The following MAGI1 variants were observed in gnomAD, a reference collection of about 807,000 sequenced individuals.
MAGI1 encodes the protein membrane-associated guanylate kinase, WW and PDZ domain-containing protein 1.
MAGI1 carries 58 observed loss-of-function variants against 139.9 expected under a neutral mutation model. The ratio of observed to expected loss-of-function variants is 0.41; its 90% CI spans 0.34 to 0.52. The LOEUF (loss-of-function observed/expected upper bound fraction) is 0.52, where lower values mean the gene tolerates loss of function less well. Among genes scored for constraint, MAGI1 ranks in the 20% least tolerant of loss-of-function variants. The probability of loss-of-function intolerance (pLI) is 0.12; values close to 1 mark genes in which losing one functional copy is unlikely to be tolerated. For synonymous variants in MAGI1, 812 were observed against 737.9 expected (o/e 1.10, Z -1.63); for missense variants, 1,874 against 1,901.6 (o/e 0.99, Z 0.27).
intron 1 of MAGI1, among the ~76,000 whole-genome samples, chr3:65,662,950 C>T (rs1245786071): frequency 6.6e-6 from 1 of 152,120 alleles, no homozygotes; most frequent in African/African-American, 2.4e-5. Context: ...TCCTGAAGTT[C>T]CACCTTCAGT....
intron 21 of MAGI1, among the ~76,000 whole-genome samples, chr3:65,362,996 A>G (rs1941038605): frequency 6.6e-6 from 1 of 152,202 alleles, no homozygotes; most frequent in African/African-American, 2.4e-5. Flanking sequence ...TAAGGCAGAG[A>G]GTAGACTTGC....
At position 65,743,293 on chromosome 3, in the gene MAGI1, A is replaced by T. The variant is rs2035427603; in HGVS notation, c.314-121205T>A. ...TTTACTATGTGCCTGATACTATAAA[A>T]TCAGGATATAGTCTAGAAGATTCCT... On this transcript the variant is annotated intron_variant, in intron 1 of 22. Transcript: ENST00000402939. Among the ~76,000 whole-genome samples, 3 of 152,246 alleles carry T rather than the reference A, an allele frequency of 2.0e-5. No homozygotes were observed. In the South Asian group the frequency reaches 6.2e-4, roughly 32 times the overall value.
At chr3:65,846,317 C>G (rs1027731688) in intron 1 of MAGI1, among the ~76,000 whole-genome samples, 1 of 152,216 alleles carries the variant, frequency 6.6e-6, no homozygotes, top group Non-Finnish European at 1.5e-5. Flanking sequence ...GTAGTGCGGT[C>G]TCAAGTGAAT....
chr3:65,592,361 T>C (rs1305414993), intron 2 of MAGI1, among the ~76,000 whole-genome samples: 1 of 152,116 alleles, frequency 6.6e-6, no homozygotes, highest in African/African-American at 2.4e-5. Flanking sequence ...TGAACTAGCA[T>C]GCAAAGGGGA....
At chr3:65,393,176 C>A (rs1944074798) in intron 13 of MAGI1, among the ~76,000 whole-genome samples, 1 of 152,148 alleles carries the variant, frequency 6.6e-6, no homozygotes, top group Non-Finnish European at 1.5e-5. Flanking sequence ...GTGAATTCAG[C>A]TCCCAGGGCC....
In MAGI1 at chr3:65,379,394, G is replaced by A. The variant is rs1470820505; in HGVS notation, c.2862C>T (p.Gly954=). Residue 954 remains glycine (G), a synonymous_variant, in exon 17 of 23, where the codon GGC becomes GGT. Transcript: ENST00000402939. ...TGACCACGCCGCTGCCCCCGCCGCC[G>A]CCACTGCCGATGCCGCTGGTGCTGC... is the stretch of plus-strand genomic sequence containing the variant. The part of the protein sequence containing the change: ...GSGSTSGIGS[G]GGGGSGVVST... 9 of 1,612,724 alleles carry A rather than the reference G, an allele frequency of 5.6e-6. No homozygotes were observed. The highest frequency in any genetic ancestry group is 1.1e-5 in the South Asian group (1 of 91,032).
chr3:65,572,175 C>T (rs1340920476), intron 2 of MAGI1, among the ~76,000 whole-genome samples: 2 of 152,082 alleles, frequency 1.3e-5, no homozygotes, highest in African/African-American at 4.8e-5. Flanking sequence ...CAGGTACCAT[C>T]CTCAATACTT....
chr3:65,590,941 G>A (rs577106221), intron 2 of MAGI1, among the ~76,000 whole-genome samples: 3 of 152,292 alleles, frequency 2.0e-5, no homozygotes, highest in South Asian at 2.1e-4. Flanking sequence ...AATTCTTTTA[G>A]TGGAACAATT....
Position 65,998,970 on chromosome 3 carries a change from T to A in MAGI1, c.313+39026A>T, listed in dbSNP as rs973278317. Among the ~76,000 whole-genome samples the A allele has an allele frequency of 2.6e-5, 4 of 152,026 alleles. No homozygotes were observed. The South Asian group carries it at 8.3e-4, about 31-fold the overall frequency. On this transcript the variant is annotated intron_variant, in intron 1 of 22. Coordinates refer to ENST00000402939, the MANE Select transcript of MAGI1 (RefSeq NM_001033057.2). The stretch of plus-strand genomic sequence containing the variant: ...TTTCTTAACAGAGAATAGAATCACA[T>A]CTAAATGGGGATAAAATCGCATTAC...
chr3:65,827,987 T>G (rs1179441081), intron 1 of MAGI1, among the ~76,000 whole-genome samples: 2 of 152,210 alleles, frequency 1.3e-5, no homozygotes, highest in East Asian at 3.8e-4. Flanking sequence ...TCCTTCCAGA[T>G]GAACCAGGAA....
rs1243410919 is a variant in MAGI1, at chr3:66,038,576, C to T, written c.-268G>A. ...GTGCCTCTGGGTCCACGTTCCGGCG[C>T]CCGCCCGTGCTCTCCCGGACCAGAG... is the stretch of plus-strand genomic sequence containing the variant. On this transcript the variant is annotated 5_prime_UTR_variant, in exon 1 of 23. Transcript: ENST00000402939. 1 of 437,598 alleles carries T rather than the reference C, an allele frequency of 2.3e-6. No homozygotes were observed. Among genetic ancestry groups the T allele is most frequent in the African/African-American group, 2.0e-5 (1 of 49,254 alleles). 27.1% of individuals were successfully genotyped at this position (437,598 alleles called of 1,614,324 possible).
At chr3:65,439,847 A>G (rs1948134192) in intron 9 of MAGI1, 32 bp downstream of exon 9, 5 of 1,607,142 alleles carry the variant, frequency 3.1e-6, no homozygotes, top group Non-Finnish European at 4.2e-6. Flanking sequence ...TGCTCCCCTG[A>G]TCAAGAAAAA....
intron 3 of MAGI1, among the ~76,000 whole-genome samples, chr3:65,481,327 C>T (rs1490083912): frequency 6.6e-6 from 1 of 152,138 alleles, no homozygotes. Context: ...TGCATTTCTA[C>T]AGTGGTTGTA....
At chr3:65,717,124 G>C (rs1038719718) in intron 1 of MAGI1, among the ~76,000 whole-genome samples, 1 of 152,156 alleles carries the variant, frequency 6.6e-6, no homozygotes. Flanking sequence ...CCTTTTCCTG[G>C]CTTTAGTCAG....
chr3:65,435,575 T>C lies in MAGI1; in HGVS notation c.1363+1580A>G, dbSNP rs148207217. Among the ~76,000 whole-genome samples the C allele has an allele frequency of 1.3e-3, 199 of 152,186 alleles. No homozygotes were observed. In the Middle Eastern group the frequency reaches 0.02, roughly 16 times the overall value. On this transcript the variant is annotated intron_variant, in intron 10 of 22. Coordinates refer to ENST00000402939, the MANE Select transcript of MAGI1 (RefSeq NM_001033057.2). ...TGTATATCAAGGGATTATGCCTAGT[T>C]TGGGATTATCTCACAGTGAAAAAAC...
At chr3:65,772,546 T>A (rs2107950032) in intron 1 of MAGI1, among the ~76,000 whole-genome samples, 1 of 152,326 alleles carries the variant, frequency 6.6e-6, no homozygotes, top group Non-Finnish European at 1.5e-5. Context: ...GGACACCTCT[T>A]TCCCTGGGAT....
intron 12 of MAGI1, among the ~76,000 whole-genome samples, chr3:65,411,167 T>A (rs910036729): frequency 6.6e-6 from 1 of 152,186 alleles, no homozygotes; most frequent in African/African-American, 2.4e-5. Flanking sequence ...CTCATATGGT[T>A]CTAGGAAAGC....
At chr3:65,846,624 ACT>A (rs1445646180) in intron 1 of MAGI1, among the ~76,000 whole-genome samples, 6 of 152,126 alleles carry the variant, frequency 3.9e-5, no homozygotes, top group Non-Finnish European at 7.3e-5. Flanking sequence ...TTGAGCACAC[ACT>A]CTGTAAAAAT....
intron 21 of MAGI1, among the ~76,000 whole-genome samples, chr3:65,362,951 C>G (rs188893361): frequency 2.0e-5 from 3 of 152,316 alleles, no homozygotes; most frequent in Admixed American, 1.3e-4. Context: ...CAGAGCAACT[C>G]TGAATATTCA....
Sources: gnomAD v4.1 joint callset for allele counts (sites outside exome capture counted in the v4.1 genomes callset) on GRCh38, gnomAD v4.1.1 for gene constraint, MANE v1.5 for transcripts, NCBI Gene and HGNC (gene_info 2026-07-23, HGNC 2026-07-21) for gene names.